Variants in VMP1 observed in about 807,000 individuals in gnomAD.
The protein encoded by VMP1 is ectopic P-granules autophagy protein 3 homolog.
VMP1 carries 11 observed loss-of-function variants against 56.0 expected under a neutral mutation model. The observed-to-expected ratio is 0.20, with a 90% CI of 0.12 to 0.32. The LOEUF is 0.32. Among genes scored for constraint, VMP1 ranks in the 10% least tolerant of loss-of-function variants. The pLI is 1.00. For missense variants in VMP1, 296 were observed against 490.3 expected (o/e 0.60, Z 3.74); for synonymous variants, 149 against 165.0 (o/e 0.90, Z 0.74).
chr17:59,802,208 A>G (rs1324404633), intron 7 of VMP1, among the ~76,000 whole-genome samples: 1 of 152,092 alleles, frequency 6.6e-6, no homozygotes, highest in Non-Finnish European at 1.5e-5. Context: ...TCAAAATAAA[A>G]TAAATAAAAC....
intron 10 of VMP1, among the ~76,000 whole-genome samples, chr17:59,822,112 G>A (rs545752298): frequency 2.0e-5 from 3 of 152,018 alleles, no homozygotes; most frequent in East Asian, 1.9e-4. Flanking sequence ...AAAGTGCTGC[G>A]ATTACAAGAG....
rs140437422 is a variant in VMP1, at chr17:59,758,035, C to G, written c.415-6936C>G. 2.1e-3 allele frequency among the ~76,000 whole-genome samples: 324 copies of G among 151,738 alleles called. 1 individual carries two copies. The highest frequency in any genetic ancestry group is 7.1e-3 in the African/African-American group (294 of 41,386). ...TTTGTTTTGTTTTGAGAGAGAGGGT[C>G]TCTCCATGTTACCCAGGCTGGTCTC... On this transcript the variant is annotated intron_variant, in intron 5 of 11. Coordinates refer to ENST00000262291, the MANE Select transcript of VMP1 (RefSeq NM_030938.5).
At chr17:59,730,108 T>G (rs2034768710) in intron 1 of VMP1, 1 of 152,192 alleles carries the variant, frequency 6.6e-6, no homozygotes, top group Admixed American at 6.6e-5. Flanking sequence ...TAGCAATTTG[T>G]GTATCTTTGG....
chr17:59,806,869 C>T (rs144724659), intron 7 of VMP1, among the ~76,000 whole-genome samples: 2 of 151,758 alleles, frequency 1.3e-5, no homozygotes, highest in East Asian at 1.9e-4. Flanking sequence ...ACTTTGAGAG[C>T]CTATGTATTT....
At chr17:59,777,092 A>G (rs1367054088) in intron 7 of VMP1, among the ~76,000 whole-genome samples, 2 of 152,066 alleles carry the variant, frequency 1.3e-5, no homozygotes, top group African/African-American at 4.8e-5. Context: ...TCATGAAGTC[A>G]TCTCTCTGGA....
intron 10 of VMP1, among the ~76,000 whole-genome samples, chr17:59,828,055 G>A (rs1020060668): frequency 1.3e-5 from 2 of 150,262 alleles, no homozygotes; most frequent in Admixed American, 6.6e-5. Context: ...CCACCAGTCT[G>A]TCATTTTCTA....
chr17:59,712,462 C>T (rs1244866112), intron 1 of VMP1, among the ~76,000 whole-genome samples: 2 of 152,190 alleles, frequency 1.3e-5, no homozygotes, highest in African/African-American at 4.8e-5. Flanking sequence ...TGTCTTTTAG[C>T]ACTTTCTTGG....
At chr17:59,824,436 G>A (rs1392289469) in intron 10 of VMP1, among the ~76,000 whole-genome samples, 1 of 151,084 alleles carries the variant, frequency 6.6e-6, no homozygotes, top group Non-Finnish European at 1.5e-5. Context: ...AGCCGGGCGT[G>A]GGGGTGGGCG....
chr17:59,761,523 C>A (rs2036054366), intron 5 of VMP1, among the ~76,000 whole-genome samples: 1 of 152,122 alleles, frequency 6.6e-6, no homozygotes, highest in Non-Finnish European at 1.5e-5. Context: ...TTGTTTTAAA[C>A]CCTGTTAGGG....
intron 10 of VMP1, among the ~76,000 whole-genome samples, chr17:59,820,979 T>C (rs1276043934): frequency 1.3e-5 from 2 of 151,184 alleles, no homozygotes; most frequent in Non-Finnish European, 3.0e-5. Context: ...TTTTTGTTTT[T>C]TTTTTTTTTG....
chr17:59,790,177 G>C (rs900724387), intron 7 of VMP1, among the ~76,000 whole-genome samples: 3 of 152,030 alleles, frequency 2.0e-5, no homozygotes, highest in South Asian at 4.1e-4. Context: ...TATTTAAGGA[G>C]ATTTCTCTCA....
Position 59,791,143 on chromosome 17 carries a change from C to T in VMP1, c.714+17258C>T, listed in dbSNP as rs184748689. 2.6e-3 allele frequency among the ~76,000 whole-genome samples: 389 copies of T among 150,242 alleles called. 1 individual carries two copies. Among genetic ancestry groups the T allele is most frequent in the African/African-American group, 8.5e-3 (346 of 40,852 alleles). ...TGGGCCTGTTTAGCAATGCATTTTG[C>T]TGACATTTTTAATAAACAATTTAAG... On this transcript the variant is annotated intron_variant, in intron 7 of 11. Coordinates refer to ENST00000262291, the MANE Select transcript of VMP1 (RefSeq NM_030938.5).
intron 7 of VMP1, among the ~76,000 whole-genome samples, chr17:59,786,005 G>C (rs898514062): frequency 2.0e-5 from 3 of 151,864 alleles, no homozygotes; most frequent in African/African-American, 7.3e-5. Flanking sequence ...TTAAATTTAA[G>C]GCTGAAAAAA....
intron 7 of VMP1, among the ~76,000 whole-genome samples, chr17:59,802,768 AAG>A (rs1486627836): frequency 6.6e-6 from 1 of 152,002 alleles, no homozygotes; most frequent in African/African-American, 2.4e-5. Flanking sequence ...GGTTTTGAGA[AAG>A]AGTTTAGCTC....
intron 11 of VMP1, 63 bp from the exon 12 acceptor site, chr17:59,839,705 C>T: frequency 3.3e-6 from 5 of 1,536,396 alleles, no homozygotes; most frequent in South Asian, 1.3e-5. Context: ...ATAGATGATC[C>T]TCTTTTTACT....
At chr17:59,779,890 G>T (rs1329977343) in intron 7 of VMP1, among the ~76,000 whole-genome samples, 1 of 152,174 alleles carries the variant, frequency 6.6e-6, no homozygotes, top group Non-Finnish European at 1.5e-5. Flanking sequence ...CCATCTAAAA[G>T]CTCAGTTCCT....
intron 5 of VMP1, among the ~76,000 whole-genome samples, chr17:59,759,406 A>G (rs72838857): frequency 0.19 from 28,845 of 151,954 alleles, 3,365 homozygotes; most frequent in East Asian, 0.44. Context: ...TTCTAGCTAT[A>G]ATTGGGGATT....
At chr17:59,795,445 C>A (rs2037405243) in intron 7 of VMP1, among the ~76,000 whole-genome samples, 1 of 143,648 alleles carries the variant, frequency 7.0e-6, no homozygotes, top group Non-Finnish European at 1.5e-5. Context: ...GATATATTTT[C>A]CTTCTTTCTC....
At chr17:59,818,395 A>G in intron 10 of VMP1, among the ~76,000 whole-genome samples, 1 of 152,088 alleles carries the variant, frequency 6.6e-6, no homozygotes, top group East Asian at 1.9e-4. Context: ...TATTTAATTA[A>G]GTAAGTCATG....
Sources: allele counts gnomAD v4.1 joint callset (sites outside exome capture counted in the v4.1 genomes callset), GRCh38; gene constraint gnomAD v4.1.1; transcripts MANE v1.5; gene names NCBI Gene and HGNC (gene_info 2026-07-23, HGNC 2026-07-21).